GPM6B: variants seen among roughly 807,000 people sequenced by gnomAD.
GPM6B encodes neuronal membrane glycoprotein M6-b.
GPM6B carries 4 observed loss-of-function variants against 27.2 expected under a neutral mutation model. That is an observed-to-expected ratio of 0.15 (90% CI 0.07 to 0.34). The LOEUF (loss-of-function observed/expected upper bound fraction) is 0.34, where lower values mean the gene tolerates loss of function less well. Among genes scored for constraint, GPM6B ranks in the 10% least tolerant of loss-of-function variants. The pLI, the probability that GPM6B is intolerant of heterozygous loss-of-function variation, is 1.00. For synonymous variants in GPM6B, 124 were observed against 103.1 expected, an observed-to-expected ratio of 1.20 and a Z score of -1.23; for missense variants, 183 against 261.9, an observed-to-expected ratio of 0.70 and a Z score of 2.08.
At chrX:13,880,571 G>T (rs1359695267) in intron 1 of GPM6B, among the ~76,000 whole-genome samples, 2 of 106,564 alleles carry the variant, frequency 1.9e-5, no homozygotes, top group African/African-American at 7.0e-5. Flanking sequence ...AGCTACTCGG[G>T]AGGCTGAGGC....
At chrX:13,846,207 C>T (rs1175446203) in intron 1 of GPM6B, among the ~76,000 whole-genome samples, 3 of 110,543 alleles carry the variant, frequency 2.7e-5, no homozygotes, top group East Asian at 2.8e-4. Flanking sequence ...TTCCCACCCA[C>T]GCACCCACCT....
intron 2 of GPM6B, among the ~76,000 whole-genome samples, chrX:13,807,393 A>G: frequency 8.9e-6 from 1 of 111,877 alleles, no homozygotes; most frequent in Admixed American, 9.4e-5. Flanking sequence ...CTTTGAGAAG[A>G]CGAAGTGATT....
chrX:13,792,756 TG>T (rs930838051), intron 2 of GPM6B, among the ~76,000 whole-genome samples: 13 of 110,607 alleles, frequency 1.2e-4, no homozygotes, highest in African/African-American at 3.9e-4. Context: ...AAAAATTAGC[TG>T]GGTGTGGTGG....
intron 1 of GPM6B, among the ~76,000 whole-genome samples, chrX:13,813,738 T>G (rs899490581): frequency 2.7e-5 from 3 of 112,249 alleles, no homozygotes; most frequent in Admixed American, 9.4e-5. Context: ...ATCTTTTTAT[T>G]ATTGGGTTCC....
chrX:13,827,001 G>A (rs1314395721), intron 1 of GPM6B, among the ~76,000 whole-genome samples: 1 of 110,301 alleles, frequency 9.1e-6, no homozygotes, highest in Non-Finnish European at 1.9e-5. Context: ...TTTAACCGCC[G>A]TTATTGGAAT....
At chrX:13,844,641 AAT>A (rs1262222293) in intron 1 of GPM6B, among the ~76,000 whole-genome samples, 7 of 111,809 alleles carry the variant, frequency 6.3e-5, no homozygotes, top group Non-Finnish European at 1.1e-4. Context: ...GTATGTGGAG[AAT>A]ATCATTCTCC....
At chrX:13,910,530 C>T (rs1238531428) in intron 1 of GPM6B, among the ~76,000 whole-genome samples, 1 of 113,313 alleles carries the variant, frequency 8.8e-6, no homozygotes, top group African/African-American at 3.2e-5. Flanking sequence ...CGGATGCAGG[C>T]CGCCTGTGCG....
intron 1 of GPM6B, among the ~76,000 whole-genome samples, chrX:13,917,169 T>C (rs1475934342): frequency 5.4e-5 from 6 of 111,991 alleles, no homozygotes; most frequent in Admixed American, 9.5e-5. Context: ...CCATAATCAC[T>C]GCTACTGCAC....
chrX:13,936,208 G>A (rs759183951), intron 1 of GPM6B, among the ~76,000 whole-genome samples: 1 of 111,889 alleles, frequency 8.9e-6, no homozygotes, highest in South Asian at 3.7e-4. Flanking sequence ...ACATCTTAAG[G>A]CTATAAAAAA....
At chrX:13,836,992 G>A (rs1166818618) in intron 1 of GPM6B, among the ~76,000 whole-genome samples, 1 of 112,316 alleles carries the variant, frequency 8.9e-6, no homozygotes, top group Non-Finnish European at 1.9e-5. Flanking sequence ...TTGAACACAG[G>A]AGTAAGCATC....
intron 1 of GPM6B, among the ~76,000 whole-genome samples, chrX:13,816,234 A>C (rs1334624535): frequency 9.0e-6 from 1 of 110,510 alleles, no homozygotes; most frequent in East Asian, 2.8e-4. Flanking sequence ...TCTTCCCCCC[A>C]GTCTCCAAGT....
chrX:13,803,792 C>T (rs1301133028), intron 2 of GPM6B, among the ~76,000 whole-genome samples: 1 of 111,585 alleles, frequency 9.0e-6, no homozygotes, highest in African/African-American at 3.3e-5. Context: ...ACCTTCACTG[C>T]CCCTTCCCCA....
intron 1 of GPM6B, among the ~76,000 whole-genome samples, chrX:13,902,369 C>T (rs1490788482): frequency 2.7e-5 from 3 of 110,489 alleles, no homozygotes; most frequent in Non-Finnish European, 3.8e-5. Context: ...TTCATTTGAC[C>T]GTTTCAGCCC....
chrX:13,884,825 T>C lies in GPM6B; in HGVS notation c.-198+53502A>G, dbSNP rs138561907. On this transcript the variant is annotated intron_variant, in intron 1 of 6. Transcript: ENST00000398361. ...GGACTCCAGATAAAAGAGACAAAGA[T>C]GCAAATAAATGTGACAGAAGGAAAC... 9.0e-3 allele frequency among the ~76,000 whole-genome samples: 1,001 copies of C among 111,684 alleles called. 11 individuals carry two copies. Among genetic ancestry groups the C allele is most frequent in the African/African-American group, 0.03 (932 of 30,724 alleles).
intron 4 of GPM6B, among the ~76,000 whole-genome samples, chrX:13,781,476 CT>C (rs1196435493): frequency 1.8e-5 from 2 of 112,063 alleles, no homozygotes; most frequent in Non-Finnish European, 3.8e-5. Context: ...AAGGACAGAG[CT>C]CAAAGTCATC....
chrX:13,938,323 G>C, intron 1 of GPM6B: 1 of 274,893 alleles, frequency 3.6e-6, no homozygotes, highest in Non-Finnish European at 6.4e-6. Context: ...ACAGGGAAGC[G>C]CACCTGGGCG....
chrX:13,905,930 T>C (rs2050326945), intron 1 of GPM6B, among the ~76,000 whole-genome samples: 2 of 111,249 alleles, frequency 1.8e-5, no homozygotes, highest in South Asian at 7.5e-4. Context: ...TATTAAACAA[T>C]AGTTCAGAAT....
intron 1 of GPM6B, among the ~76,000 whole-genome samples, chrX:13,853,672 T>C (rs1418287370): frequency 9.4e-6 from 1 of 106,002 alleles, no homozygotes; most frequent in African/African-American, 3.4e-5. Flanking sequence ...TTATGCTCTC[T>C]CTTCCCAGGA....
Position 13,930,773 on chromosome X carries a change from CAA to C in GPM6B, c.-198+7552_-198+7553del, listed in dbSNP as rs1223275742. ...AAGCCACAATTTACCAAAATTGAAA[CAA>C]AGAGAAAGTCTGAATATTCCTCTGC... On this transcript the variant is annotated intron_variant, in intron 1 of 6. Transcript: ENST00000398361. Among the ~76,000 whole-genome samples, 7 of 112,412 alleles carry C rather than the reference CAA, an allele frequency of 6.2e-5. No homozygotes were observed. The Admixed American group carries it at 6.6e-4, about 11-fold the overall frequency.
Sources: allele counts gnomAD v4.1 joint callset (sites outside exome capture counted in the v4.1 genomes callset), GRCh38; gene constraint gnomAD v4.1.1; transcripts MANE v1.5; gene names NCBI Gene and HGNC (gene_info 2026-07-23, HGNC 2026-07-21).